MSN: variants seen among roughly 807,000 people sequenced by gnomAD.
MSN encodes the protein epididymis luminal protein 70.
MSN carries 2 observed loss-of-function variants against 48.0 expected under a neutral mutation model. The ratio of observed to expected loss-of-function variants is 0.04; its 90% CI spans 0.02 to 0.13. The LOEUF (loss-of-function observed/expected upper bound fraction) is 0.13, where lower values mean the gene tolerates loss of function less well. MSN is among the 10% of genes least tolerant of loss of function. MSN has a pLI of 1.00. For missense variants in MSN, 267 were observed against 470.1 expected (o/e 0.57, Z 3.99); for synonymous variants, 146 against 166.9 (o/e 0.87, Z 0.97).
chrX:65,721,900 T>C (rs1412362958), intron 2 of MSN, among the ~76,000 whole-genome samples: 1 of 110,878 alleles, frequency 9.0e-6, no homozygotes, highest in Non-Finnish European at 1.9e-5. Flanking sequence ...CTGGGCAACA[T>C]AGCGAGACCC....
chrX:65,691,216 C>T (rs371209593), intron 1 of MSN, among the ~76,000 whole-genome samples: 3 of 111,697 alleles, frequency 2.7e-5, no homozygotes, highest in Non-Finnish European at 5.7e-5. Flanking sequence ...TCTGTATTCC[C>T]AGTGCAGAGT....
At position 65,740,699 on chromosome X, in the gene MSN, CTTA is replaced by C. The variant is rs1569469465; in HGVS notation, c.*812_*814del. 1 of 172,294 alleles carries C rather than the reference CTTA, an allele frequency of 5.8e-6. No individual in the cohort carries two copies. Among genetic ancestry groups the C allele is most frequent in the Non-Finnish European group, 1.1e-5 (1 of 90,476 alleles). 14.2% of individuals were successfully genotyped at this position (172,294 alleles called of 1,213,427 possible). A position where few individuals can be genotyped will look rare whatever the true frequency, so the allele number is the denominator to read the frequency against. ...GCTCTATGGGCAGATCTACCCCTTACTTATTATTCCAGATCTGCAGTCACTTCG... is the reference window on the plus strand; with the variant it reads ...GCTCTATGGGCAGATCTACCCCTTACTTATTCCAGATCTGCAGTCACTTCG... On this transcript the variant is annotated 3_prime_UTR_variant, in exon 13 of 13. Coordinates refer to ENST00000360270, the MANE Select transcript of MSN (RefSeq NM_002444.3).
At chrX:65,719,368 G>A (rs2071495654) in intron 2 of MSN, among the ~76,000 whole-genome samples, 1 of 111,939 alleles carries the variant, frequency 8.9e-6, no homozygotes, top group South Asian at 3.7e-4. Flanking sequence ...GCATTTATTT[G>A]TGCATTCCAT....
chrX:65,661,975 T>C lies in MSN; in HGVS notation c.-21-54843T>C, dbSNP rs374237042. Among the ~76,000 whole-genome samples the C allele has an allele frequency of 2.0e-4, 23 of 112,467 alleles. No homozygotes were observed. The East Asian group carries it at 5.3e-3, about 26-fold the overall frequency. On this transcript the variant is annotated intron_variant, in intron 1 of 3. Transcript: ENST00000609672. ...GTTGCAATGAGCTGAGATTGTGCCA[T>C]TGCATTACAGCCTGTGTGATAGAGC...
intron 1 of MSN, among the ~76,000 whole-genome samples, chrX:65,627,510 A>G (rs1158072851): frequency 9.0e-6 from 1 of 110,720 alleles, no homozygotes; most frequent in African/African-American, 3.3e-5. Flanking sequence ...ATCTCATGAG[A>G]CTTTTCCACT....
chrX:65,704,664 A>G (rs1002524421), intron 1 of MSN, among the ~76,000 whole-genome samples: 2 of 95,979 alleles, frequency 2.1e-5, no homozygotes, highest in East Asian at 2.8e-4. Flanking sequence ...CCTCCTCCAC[A>G]TAGTTTTTTT....
chrX:65,615,897 G>A (rs1190038484), intron 1 of MSN, among the ~76,000 whole-genome samples: 9 of 111,008 alleles, frequency 8.1e-5, no homozygotes, highest in African/African-American at 2.9e-4. Flanking sequence ...GTGTAAGGAA[G>A]GGATCCAGTT....
intron 1 of MSN, among the ~76,000 whole-genome samples, chrX:65,689,355 CAGCTCCAAAAAGTTGGAAGTG>C (rs1050498345): frequency 2.1e-4 from 24 of 111,724 alleles, no homozygotes; most frequent in African/African-American, 7.5e-4. Flanking sequence ...ACAACTCTAC[CAGCTCCAAAAAGTTGGAAGTG>C]GTCAGCTGTG....
intron 1 of MSN, among the ~76,000 whole-genome samples, chrX:65,669,754 A>G (rs750423073): frequency 1.3e-3 from 144 of 110,848 alleles, no homozygotes; most frequent in Non-Finnish European, 2.3e-3. Context: ...AAAAGCAACT[A>G]TATTATGTCT....
chrX:65,642,171 C>T (rs1243455494), intron 1 of MSN, among the ~76,000 whole-genome samples: 1 of 101,255 alleles, frequency 9.9e-6, no homozygotes, highest in Non-Finnish European at 2.0e-5. Flanking sequence ...ACGAAAACAA[C>T]TCAGTGTCCT....
At chrX:65,603,297 CA>C (rs2070252966) in intron 1 of MSN, among the ~76,000 whole-genome samples, 1 of 111,352 alleles carries the variant, frequency 9.0e-6, no homozygotes, top group African/African-American at 3.3e-5. Flanking sequence ...AACTCCATCT[CA>C]AAAAACAAAA....
intron 1 of MSN, among the ~76,000 whole-genome samples, chrX:65,706,538 AG>A (rs2071363887): frequency 8.9e-6 from 1 of 112,064 alleles, no homozygotes; most frequent in South Asian, 3.7e-4. Flanking sequence ...CCTCTGCCCC[AG>A]TGAGACAAGG....
chrX:65,695,062 T>TTGTG (rs376907310), intron 1 of MSN, among the ~76,000 whole-genome samples: 1 of 108,810 alleles, frequency 9.2e-6, no homozygotes, highest in African/African-American at 3.4e-5. Flanking sequence ...CACTTCTTCT[T>TTGTG]TGTGTGTGTG....
In MSN at chrX:65,597,505, C is replaced by G. The variant is rs372079344; in HGVS notation, c.-22+8893C>G. 3.6e-5 allele frequency among the ~76,000 whole-genome samples: 4 copies of G among 110,526 alleles called. No individual in the cohort carries two copies. In the East Asian group the frequency reaches 8.5e-4, roughly 23 times the overall value. ...GGGACCACAGGCATGCAACACCATG[C>G]CCAGCTAATTTTTAATTTTTTTTGT... On this transcript the variant is annotated intron_variant, in intron 1 of 3. Coordinates refer to the MSN transcript ENST00000609672.
intron 1 of MSN, chrX:65,625,741 G>A (rs952383487): frequency 9.0e-6 from 1 of 111,251 alleles, no homozygotes; most frequent in Non-Finnish European, 1.9e-5. Flanking sequence ...CTTTTGATTG[G>A]ATGATTTAAT....
intron 2 of MSN, among the ~76,000 whole-genome samples, chrX:65,720,444 A>G (rs2071505714): frequency 8.9e-6 from 1 of 112,297 alleles, no homozygotes; most frequent in Non-Finnish European, 1.9e-5. Context: ...CCCACAGGTG[A>G]GAAAATACAG....
intron 2 of MSN, among the ~76,000 whole-genome samples, chrX:65,724,315 T>G (rs1602854988): frequency 1.8e-5 from 2 of 111,395 alleles, no homozygotes; most frequent in Non-Finnish European, 3.8e-5. Flanking sequence ...CAGCTAATTT[T>G]CTATTTTTAG....
chrX:65,729,291 A>AT (rs1182504163), intron 3 of MSN, 147 bp from the exon 4 acceptor site: 6 of 558,647 alleles, frequency 1.1e-5, no homozygotes, highest in Non-Finnish European at 1.4e-5. Flanking sequence ...GTAATGTATT[A>AT]TTTTTCTTAA....
rs1402125893 is a variant in MSN at position 65,667,689 on chromosome X, C to T, written c.-153C>T. On this transcript the variant is annotated 5_prime_UTR_variant, in exon 1 of 13. Coordinates refer to ENST00000360270, the MANE Select transcript of MSN (RefSeq NM_002444.3). ...TGGGTGGGGTTTGTGAAGTCGTGGC[C>T]CGTTAGCAGGAAGCCTAACAGTCGC... The T allele has an allele frequency of 3.6e-6, 4 of 1,100,918 alleles. No homozygotes were observed. 90.7% of individuals were successfully genotyped at this position (1,100,918 alleles called of 1,213,427 possible).
Sources: allele counts gnomAD v4.1 joint callset (sites outside exome capture counted in the v4.1 genomes callset), GRCh38; gene constraint gnomAD v4.1.1; transcripts MANE v1.5; gene names NCBI Gene and HGNC (gene_info 2026-07-23, HGNC 2026-07-21).